The following SYTL2 variants were observed in gnomAD, a reference collection of about 807,000 sequenced individuals.
The protein encoded by SYTL2 is synaptotagmin-like protein 2.
In SYTL2, 165 loss-of-function variants were observed where a neutral mutation model predicts 198.7. The observed-to-expected ratio is 0.83, with a 90% CI of 0.73 to 0.94. SYTL2 has a LOEUF of 0.94. Among genes scored for constraint, SYTL2 ranks in the 40% least tolerant of loss-of-function variants. The pLI is 0.00. For synonymous variants in SYTL2, 966 were observed against 917.7 expected (o/e 1.05, Z -0.95); for missense variants, 2,835 against 2,582.8 (o/e 1.10, Z -2.12).
At chr11:85,759,676 T>C (rs981525134) in intron 1 of SYTL2, among the ~76,000 whole-genome samples, 8 of 152,246 alleles carry the variant, frequency 5.3e-5, no homozygotes, top group South Asian at 2.1e-4. Context: ...TTGGGCTTCA[T>C]TGACAGGGAA....
chr11:85,757,012 T>C (rs1468352272), intron 2 of SYTL2, among the ~76,000 whole-genome samples: 1 of 152,200 alleles, frequency 6.6e-6, no homozygotes, highest in Non-Finnish European at 1.5e-5. Context: ...CTAGTGCTTG[T>C]TTGACAACAA....
rs1439407424 is a variant in SYTL2, at chr11:85,726,773, T to C, written c.2585A>G (p.Asp862Gly). 2 of 1,536,094 alleles carry C rather than the reference T, an allele frequency of 1.3e-6. No homozygotes were observed. The highest frequency in any genetic ancestry group is 1.2e-5 in the South Asian group (1 of 84,068). ...AIPKRVVLDEDDQASQLSNSY... is the reference protein window; with the variant it reads ...AIPKRVVLDEGDQASQLSNSY... ...ATTGGAGAGCTGGGATGCTTGATCA[T>C]CCTCATCTAAGACCACTCGTTTGGG... Residue 862 changes from aspartate to glycine, a missense_variant, in exon 8 of 20, where the codon GAT becomes GGT. Around this residue, in one of 3 missense-constraint regions of SYTL2, gnomAD observed 2,645 missense variants for 2,381.7 expected, o/e 1.11. Transcript: ENST00000359152.
At chr11:85,798,188 T>C (rs1014578636) in intron 1 of SYTL2, among the ~76,000 whole-genome samples, 3 of 152,152 alleles carry the variant, frequency 2.0e-5, no homozygotes, top group African/African-American at 7.2e-5. Context: ...TTCAGTTTTT[T>C]TGTCAGCCCT....
chr11:85,766,215 G>T (rs2092233988), intron 1 of SYTL2, among the ~76,000 whole-genome samples: 1 of 152,170 alleles, frequency 6.6e-6, no homozygotes, highest in Admixed American at 6.5e-5. Context: ...TGTCAAGGGG[G>T]GGAGTTTGAA....
At chr11:85,776,492 G>A (rs544685468) in intron 1 of SYTL2, among the ~76,000 whole-genome samples, 4 of 152,246 alleles carry the variant, frequency 2.6e-5, no homozygotes, top group South Asian at 2.1e-4. Context: ...GAGTGAGAAC[G>A]TGTGGTGTTT....
At chr11:85,787,374 T>C (rs971800044) in intron 1 of SYTL2, among the ~76,000 whole-genome samples, 1 of 152,362 alleles carries the variant, frequency 6.6e-6, no homozygotes, top group South Asian at 2.1e-4. Flanking sequence ...GCTCACCTCA[T>C]AGCTCAAAAT....
chr11:85,826,147 C>T, the SYTL2 span, among the ~76,000 whole-genome samples: 2 of 152,182 alleles, frequency 1.3e-5, no homozygotes, highest in East Asian at 1.9e-4. Flanking sequence ...TGCAGGCTGT[C>T]TGGCCCCACC....
rs2085360599 is a variant in SYTL2, at chr11:85,707,432, C to T, written c.6015G>A (p.Leu2005=). Residue 2005 remains leucine (L), a synonymous_variant, in exon 15 of 20, where the codon CTG becomes CTA. Transcript: ENST00000359152. ...KTLNPVYNEI[L]RYKIEKQILK... ...TATAGAGAGAGTTCATAGATACCCGCAGTATTTCGTTATACACAGGATTCA... is the reference window on the plus strand; with the variant it reads ...TATAGAGAGAGTTCATAGATACCCGTAGTATTTCGTTATACACAGGATTCA... The T allele has an allele frequency of 1.2e-6, 2 of 1,608,712 alleles. No homozygotes were observed. Among genetic ancestry groups the T allele is most frequent in the Admixed American group, 1.7e-5 (1 of 59,908 alleles).
intron 1 of SYTL2, among the ~76,000 whole-genome samples, chr11:85,774,307 C>A (rs1197008670): frequency 6.6e-6 from 1 of 152,176 alleles, no homozygotes; most frequent in East Asian, 1.9e-4. Flanking sequence ...CACCATCACC[C>A]GCATTTTATC....
At chr11:85,765,398 A>G (rs1329725138) in intron 1 of SYTL2, among the ~76,000 whole-genome samples, 1 of 152,056 alleles carries the variant, frequency 6.6e-6, no homozygotes, top group Non-Finnish European at 1.5e-5. Context: ...CACCATGCCA[A>G]GCTAATTTTT....
At chr11:85,720,994 T>C in intron 8 of SYTL2, 35 bp from the exon 9 acceptor site, 5 of 1,231,554 alleles carry the variant, frequency 4.1e-6, no homozygotes, top group Non-Finnish European at 5.7e-6. Context: ...CACTGCACAA[T>C]ACCAAAAAAA....
the SYTL2 span, among the ~76,000 whole-genome samples, chr11:85,832,566 G>A: frequency 1.3e-5 from 2 of 152,142 alleles, no homozygotes; most frequent in Non-Finnish European, 2.9e-5. Flanking sequence ...TGTCATGAAT[G>A]CTATGAGAAG....
intron 1 of SYTL2, among the ~76,000 whole-genome samples, chr11:85,789,356 A>ATATATATATATATATATG (rs1566026090): frequency 5.2e-5 from 3 of 58,018 alleles, no homozygotes; most frequent in African/African-American, 2.1e-4. Flanking sequence ...ATATATATAT[A>ATATATATATATATATATG]TATATATATA....
intron 17 of SYTL2, among the ~76,000 whole-genome samples, 159 bp downstream of exon 17, chr11:85,700,356 G>C (rs896174474): frequency 7.1e-6 from 1 of 141,524 alleles, no homozygotes; most frequent in Non-Finnish European, 1.5e-5. Context: ...AACAAAAAAA[G>C]AATTTTCTTA....
intron 2 of SYTL2, among the ~76,000 whole-genome samples, chr11:85,753,766 TA>T (rs869050309): frequency 2.9e-4 from 14 of 47,740 alleles, no homozygotes; most frequent in African/African-American, 1.3e-3. Flanking sequence ...CTCTCTTTTT[TA>T]AAAAAAAAAA....
chr11:85,839,294 G>A, the SYTL2 span, among the ~76,000 whole-genome samples: 1 of 152,096 alleles, frequency 6.6e-6, no homozygotes, highest in Admixed American at 6.5e-5. Flanking sequence ...TTCTAACTAT[G>A]ATGGAACACT....
the SYTL2 span, among the ~76,000 whole-genome samples, chr11:85,849,426 C>G: frequency 1.3e-5 from 2 of 152,094 alleles, no homozygotes; most frequent in Non-Finnish European, 2.9e-5. Context: ...GGTTTTAGGT[C>G]TAACGTTTAA....
chr11:85,740,790 T>C (rs2090725464), intron 4 of SYTL2, among the ~76,000 whole-genome samples: 1 of 152,220 alleles, frequency 6.6e-6, no homozygotes, highest in Non-Finnish European at 1.5e-5. Flanking sequence ...ATTAAAATAT[T>C]AGACTATGGT....
At position 85,724,653 on chromosome 11, in the gene SYTL2, C is replaced by A; in HGVS notation, c.4705G>T (p.Glu1569Ter). The A allele has an allele frequency of 6.2e-7, 1 of 1,613,550 alleles. No individual in the cohort carries two copies. The highest frequency in any genetic ancestry group is 1.1e-5 in the South Asian group (1 of 90,956). The change falls in exon 8 of 20, where the codon GAG (glutamate) becomes TAG (stop). Residue 1569 changes from glutamate to a stop codon, truncating the protein, a stop_gained. Coordinates refer to ENST00000359152, the MANE Select transcript of SYTL2 (RefSeq NM_206927.4). LOFTEE classifies it high-confidence loss of function. ...TCAGTTATTTCTTTAAGAAGTTTCT[C>A]AAAACCAGCATCAAAAGCACTCTCA... Reference protein sequence around the residue: ...ITESAFDAGFEKLLKEITEAP... With the variant: ...ITESAFDAGF
Sources: allele counts gnomAD v4.1 joint callset (sites outside exome capture counted in the v4.1 genomes callset), GRCh38; gene constraint gnomAD v4.1.1; regional missense constraint gnomAD v4.1.1; transcripts MANE v1.5; gene names NCBI Gene and HGNC (gene_info 2026-07-23, HGNC 2026-07-21).